SDK1: variants seen among roughly 807,000 people sequenced by gnomAD.
SDK1 encodes sidekick cell adhesion molecule 1.
SDK1 carries 157 observed loss-of-function variants against 245.5 expected under a neutral mutation model. The observed-to-expected ratio is 0.64, with a 90% CI of 0.56 to 0.73. SDK1 has a LOEUF of 0.73. Ranked by LOEUF, SDK1 falls within the 30% of genes least tolerant of loss-of-function variation. The probability of loss-of-function intolerance (pLI) is 0.00; values close to 1 mark genes in which losing one functional copy is unlikely to be tolerated. For synonymous variants in SDK1, 1,647 were observed against 1,278.5 expected (o/e 1.29, Z -6.15); for missense variants, 3,583 against 3,002.3 (o/e 1.19, Z -4.52).
intron 25 of SDK1, among the ~76,000 whole-genome samples, chr7:4,120,678 A>C (rs1434986646): frequency 6.6e-6 from 1 of 151,412 alleles, no homozygotes; most frequent in Non-Finnish European, 1.5e-5. Context: ...GTGCAGTGGC[A>C]TGATCTTGGC....
chr7:3,933,620 G>A (rs1780057675), intron 5 of SDK1, among the ~76,000 whole-genome samples: 1 of 152,096 alleles, frequency 6.6e-6, no homozygotes, highest in African/African-American at 2.4e-5. Context: ...AAATAAACAA[G>A]ACACTGATTA....
At chr7:3,746,269 T>C (rs1198645318) in intron 4 of SDK1, among the ~76,000 whole-genome samples, 2 of 152,228 alleles carry the variant, frequency 1.3e-5, no homozygotes, top group Admixed American at 1.3e-4. Flanking sequence ...TTTTAAAATA[T>C]AATAGCAATC....
At position 3,918,422 on chromosome 7, in the gene SDK1, C is replaced by G. The variant is rs371363665; in HGVS notation, c.848-32501C>G. The stretch of plus-strand genomic sequence containing the variant: ...AGCACGAACCCTATTGTGAGCTGTG[C>G]CCGCGAGGCATCTAGGTTACACACG... On this transcript the variant is annotated intron_variant, in intron 5 of 44. Coordinates refer to ENST00000404826, the MANE Select transcript of SDK1 (RefSeq NM_152744.4). Among the ~76,000 whole-genome samples the G allele has an allele frequency of 3.7e-4, 56 of 152,284 alleles. No individual in the cohort carries two copies. In the South Asian group the frequency reaches 0.011, roughly 29 times the overall value.
intron 39 of SDK1, 120 bp downstream of exon 39, chr7:4,220,390 C>A: frequency 9.0e-7 from 1 of 1,107,628 alleles, no homozygotes. Flanking sequence ...CAAGAGCTGG[C>A]ATCAACTCGG....
chr7:3,654,735 G>T (rs958519240), intron 4 of SDK1, among the ~76,000 whole-genome samples: 1 of 152,148 alleles, frequency 6.6e-6, no homozygotes, highest in African/African-American at 2.4e-5. Context: ...TGGGGGATGG[G>T]GATCGTAGAA....
chr7:3,982,471 G>T (rs1043023390), intron 13 of SDK1, among the ~76,000 whole-genome samples: 6 of 152,192 alleles, frequency 3.9e-5, no homozygotes, highest in African/African-American at 1.4e-4. Context: ...TGCCATGGAT[G>T]ATAATTCCTC....
chr7:3,694,441 G>A (rs1276729181), intron 4 of SDK1, among the ~76,000 whole-genome samples: 1 of 152,172 alleles, frequency 6.6e-6, no homozygotes, highest in Non-Finnish European at 1.5e-5. Flanking sequence ...GGGAATAGCA[G>A]CCAAGTTGTA....
chr7:3,514,369 T>G (rs1028808889), intron 1 of SDK1, among the ~76,000 whole-genome samples: 3 of 152,218 alleles, frequency 2.0e-5, no homozygotes, highest in Non-Finnish European at 4.4e-5. Flanking sequence ...CCCAAATATA[T>G]CTGTAGATAA....
intron 5 of SDK1, among the ~76,000 whole-genome samples, chr7:3,832,237 C>G (rs1413660671): frequency 6.6e-6 from 1 of 152,108 alleles, no homozygotes; most frequent in African/African-American, 2.4e-5. Context: ...TGTCTTTTCC[C>G]CAAAGAGACT....
At chr7:3,711,533 G>C (rs1336750131) in intron 4 of SDK1, among the ~76,000 whole-genome samples, 1 of 152,216 alleles carries the variant, frequency 6.6e-6, no homozygotes, top group Non-Finnish European at 1.5e-5. Flanking sequence ...CTAGGGAGGT[G>C]ACATTTGCAT....
intron 40 of SDK1, among the ~76,000 whole-genome samples, chr7:4,231,295 G>A (rs1284858649): frequency 1.3e-5 from 2 of 152,052 alleles, no homozygotes; most frequent in Non-Finnish European, 2.9e-5. Flanking sequence ...CAGGCATAGT[G>A]GCTCATGCCT....
intron 1 of SDK1, among the ~76,000 whole-genome samples, chr7:3,437,550 T>C (rs545659363): frequency 6.6e-6 from 1 of 152,014 alleles, no homozygotes; most frequent in East Asian, 1.9e-4. Context: ...GGTGGGAAGA[T>C]TGCTTGAGGT....
At chr7:3,663,972 A>G (rs868236538) in intron 4 of SDK1, among the ~76,000 whole-genome samples, 1 of 152,192 alleles carries the variant, frequency 6.6e-6, no homozygotes, top group Non-Finnish European at 1.5e-5. Flanking sequence ...TATAAATTTG[A>G]GAAAAATTAA....
intron 5 of SDK1, among the ~76,000 whole-genome samples, chr7:3,827,387 C>G (rs554792313): frequency 2.7e-5 from 4 of 149,802 alleles, no homozygotes; most frequent in Non-Finnish European, 5.9e-5. Flanking sequence ...ATGGAAGGCT[C>G]GTGTCTTACT....
In SDK1 at chr7:3,566,224, C is replaced by CTTT. The variant is rs568790658; in HGVS notation, c.299-52840_299-52838dup. 2.8e-3 allele frequency among the ~76,000 whole-genome samples: 355 copies of CTTT among 125,364 alleles called. 9 individuals are homozygous for CTTT. The highest frequency in any genetic ancestry group is 1.0e-2 in the East Asian group (44 of 4,404). The allele number at this position is 125,364 out of a possible 152,430, so 82.2% of individuals were successfully genotyped here. On this transcript the variant is annotated intron_variant, in intron 1 of 44. Coordinates refer to ENST00000404826, the MANE Select transcript of SDK1 (RefSeq NM_152744.4). ...TTTTTGGGAACTTGATAAACTTCTT[C>CTTT]TTTTTTTTTTTTTTTTTTGAGATGG...
intron 4 of SDK1, among the ~76,000 whole-genome samples, chr7:3,718,576 TAA>T: frequency 1.0e-5 from 1 of 98,182 alleles, no homozygotes; most frequent in Non-Finnish European, 2.2e-5. Flanking sequence ...AATAAATAAA[TAA>T]ATAAATAAAT....
intron 1 of SDK1, among the ~76,000 whole-genome samples, chr7:3,592,001 GA>G (rs1445063742): frequency 1.3e-5 from 2 of 152,166 alleles, no homozygotes; most frequent in African/African-American, 4.8e-5. Context: ...GTTCTATACA[GA>G]AACAAATGAA....
intron 1 of SDK1, among the ~76,000 whole-genome samples, chr7:3,495,718 C>T (rs1364586377): frequency 6.6e-6 from 1 of 152,234 alleles, no homozygotes; most frequent in Non-Finnish European, 1.5e-5. Flanking sequence ...TTAGCTCCCT[C>T]CCTGCCCTCT....
At chr7:4,224,393 A>G (rs1785304554) in intron 40 of SDK1, among the ~76,000 whole-genome samples, 1 of 152,170 alleles carries the variant, frequency 6.6e-6, no homozygotes. Context: ...GAAGAGAGTG[A>G]GTGGGGAGGT....
Sources: gnomAD v4.1 joint callset for allele counts (sites outside exome capture counted in the v4.1 genomes callset) on GRCh38, gnomAD v4.1.1 for gene constraint, MANE v1.5 for transcripts, NCBI Gene and HGNC (gene_info 2026-07-23, HGNC 2026-07-21) for gene names.